CRB1: variants seen among roughly 807,000 people sequenced by gnomAD.
CRB1 encodes crumbs cell polarity complex component 1.
CRB1 carries 83 observed loss-of-function variants against 120.0 expected under a neutral mutation model. The observed-to-expected ratio is 0.69, with a 90% CI of 0.58 to 0.83. CRB1 has a LOEUF of 0.83. CRB1 is among the 40% of genes least tolerant of loss of function. The probability of loss-of-function intolerance (pLI) is 0.00; values close to 1 mark genes in which losing one functional copy is unlikely to be tolerated. For missense variants in CRB1, 1,699 were observed against 1,687.6 expected (o/e 1.01, Z -0.12); for synonymous variants, 625 against 612.5 (o/e 1.02, Z -0.30).
At chr1:197,277,479 C>G (rs1309089255) in intron 1 of CRB1, among the ~76,000 whole-genome samples, 4 of 151,940 alleles carry the variant, frequency 2.6e-5, no homozygotes, top group Non-Finnish European at 5.9e-5. Flanking sequence ...GCAATTATGT[C>G]TAGTCAGATG....
At chr1:197,368,009 A>G (rs1329197991) in intron 5 of CRB1, among the ~76,000 whole-genome samples, 1 of 152,182 alleles carries the variant, frequency 6.6e-6, no homozygotes, top group African/African-American at 2.4e-5. Context: ...ACTTTTCCTT[A>G]AAAGTCAAAT....
chr1:197,276,407 G>T (rs1655210488), intron 1 of CRB1, among the ~76,000 whole-genome samples: 1 of 151,580 alleles, frequency 6.6e-6, no homozygotes, highest in Admixed American at 6.6e-5. Context: ...TATCCAATAA[G>T]TATTTATTGA....
At chr1:197,347,545 C>A (rs941395271) in intron 4 of CRB1, 66 bp downstream of exon 4, 4 of 1,477,536 alleles carry the variant, frequency 2.7e-6, no homozygotes, top group Non-Finnish European at 3.8e-6. Flanking sequence ...TCGCTTATAG[C>A]AAATGAAATG....
chr1:197,288,982 A>C (rs1330547954), intron 1 of CRB1, among the ~76,000 whole-genome samples: 1 of 151,502 alleles, frequency 6.6e-6, no homozygotes, highest in African/African-American at 2.4e-5. Flanking sequence ...TAAAAAAAAA[A>C]AAAAACTTGA....
At chr1:197,300,022 A>G (rs1260017728) in intron 1 of CRB1, among the ~76,000 whole-genome samples, 1 of 151,942 alleles carries the variant, frequency 6.6e-6, no homozygotes, top group Non-Finnish European at 1.5e-5. Context: ...TGGGCACCAC[A>G]AACCATGCCC....
chr1:197,205,667 T>C, the CRB1 span, among the ~76,000 whole-genome samples: 1 of 152,184 alleles, frequency 6.6e-6, no homozygotes, highest in African/African-American at 2.4e-5. Flanking sequence ...TTGTTGAGGA[T>C]TTTTGCATCT....
the CRB1 span, among the ~76,000 whole-genome samples, chr1:197,210,747 C>T: frequency 6.6e-6 from 1 of 151,936 alleles, no homozygotes; most frequent in African/African-American, 2.4e-5. Flanking sequence ...TCTAAGATGC[C>T]AAAAGTTTTT....
At chr1:197,340,558 T>C (rs1659393694) in intron 2 of CRB1, among the ~76,000 whole-genome samples, 1 of 152,092 alleles carries the variant, frequency 6.6e-6, no homozygotes, top group Non-Finnish European at 1.5e-5. Context: ...TGAGAGCAGA[T>C]GAGACATGAT....
intron 5 of CRB1, among the ~76,000 whole-genome samples, chr1:197,390,213 G>T (rs1662430057): frequency 6.6e-6 from 1 of 151,874 alleles, no homozygotes; most frequent in Non-Finnish European, 1.5e-5. Flanking sequence ...AAATATACCA[G>T]ATATAATTGT....
chr1:197,225,801 C>A, the CRB1 span, among the ~76,000 whole-genome samples: 1 of 152,234 alleles, frequency 6.6e-6, no homozygotes, highest in Admixed American at 6.5e-5. Context: ...TTCTCGCATA[C>A]ACAGCTGTAT....
At chr1:197,468,728 C>T (rs922492219) in intron 11 of CRB1, among the ~76,000 whole-genome samples, 19 of 152,300 alleles carry the variant, frequency 1.2e-4, no homozygotes, top group African/African-American at 4.3e-4. Context: ...ATATGTTATG[C>T]CAGGCAGGCC....
At chr1:197,473,177 G>T (rs1022832164) in intron 11 of CRB1, among the ~76,000 whole-genome samples, 1 of 152,116 alleles carries the variant, frequency 6.6e-6, no homozygotes, top group Non-Finnish European at 1.5e-5. Context: ...AGTATATGTA[G>T]GCTAAGTATA....
At chr1:197,243,114 T>TA in the CRB1 span, among the ~76,000 whole-genome samples, 172 of 151,908 alleles carry the variant, frequency 1.1e-3, no homozygotes, top group Non-Finnish European at 1.6e-3. Flanking sequence ...TTAATCTTTT[T>TA]AAAAAAAACC....
At chr1:197,396,849 G>A (rs866219572) in intron 5 of CRB1, among the ~76,000 whole-genome samples, 3 of 151,946 alleles carry the variant, frequency 2.0e-5, no homozygotes, top group South Asian at 2.1e-4. Context: ...ATAAAACTTC[G>A]AAGAGAACAC....
the CRB1 span, among the ~76,000 whole-genome samples, chr1:197,254,546 C>T: frequency 6.6e-6 from 1 of 151,936 alleles, no homozygotes; most frequent in African/African-American, 2.4e-5. Flanking sequence ...ATTTCTACTT[C>T]TCTGTAGTGG....
chr1:197,245,924 A>G, the CRB1 span, among the ~76,000 whole-genome samples: 1 of 152,084 alleles, frequency 6.6e-6, no homozygotes, highest in Non-Finnish European at 1.5e-5. Context: ...TGTGCCTTCC[A>G]CTGCCACCAC....
rs1659650891 is a variant in CRB1 at position 197,344,424 on chromosome 1, T to G, written c.796T>G (p.Cys266Gly). 2 of 1,613,936 alleles carry G rather than the reference T, an allele frequency of 1.2e-6. No individual in the cohort carries two copies. ...GDHCELNTDE[C>G]ASQPCLHGGL... ...TCACTGTGAACTCAACACTGATGAG[T>G]GTGCCAGTCAACCTTGTCTCCATGG... The change falls in exon 3 of 12, where the codon TGT (cysteine) becomes GGT (glycine). Residue 266 changes from cysteine to glycine, a missense_variant. Cys to Gly is a radical substitution (Grantham distance 159, BLOSUM62 -3). Transcript: ENST00000367400.
At chr1:197,304,392 C>A in intron 1 of CRB1, 1 of 982,514 alleles carries the variant, frequency 1.0e-6, no homozygotes, top group Non-Finnish European at 1.2e-6. Flanking sequence ...CTATGACTAG[C>A]AGTGGCATGT....
intron 11 of CRB1, among the ~76,000 whole-genome samples, chr1:197,469,022 G>A (rs941015742): frequency 9.9e-5 from 15 of 152,116 alleles, no homozygotes; most frequent in Non-Finnish European, 2.1e-4. Flanking sequence ...AACTGGTGAT[G>A]ACCCTCATGA....
Sources: allele counts gnomAD v4.1 joint callset (sites outside exome capture counted in the v4.1 genomes callset), GRCh38; gene constraint gnomAD v4.1.1; transcripts MANE v1.5; gene names NCBI Gene and HGNC (gene_info 2026-07-23, HGNC 2026-07-21).